Variants in FGGY observed in about 807,000 individuals in gnomAD.
FGGY encodes the protein FGGY carbohydrate kinase domain-containing protein.
FGGY carries 72 observed loss-of-function variants against 71.3 expected under a neutral mutation model. The observed-to-expected ratio is 1.01, with a 90% CI of 0.84 to 1.23. The LOEUF (loss-of-function observed/expected upper bound fraction) is 1.23, where lower values mean the gene tolerates loss of function less well. Ranked by LOEUF, FGGY falls within the 50% of genes most tolerant of loss-of-function variation. The probability of loss-of-function intolerance (pLI) is 0.00; values close to 1 mark genes in which losing one functional copy is unlikely to be tolerated. For missense variants in FGGY, 668 were observed against 682.3 expected, an observed-to-expected ratio of 0.98 and a Z score of 0.23; for synonymous variants, 251 against 250.3, an observed-to-expected ratio of 1.00 and a Z score of -0.02.
At chr1:59,581,417 A>G (rs1054235293) in intron 8 of FGGY, among the ~76,000 whole-genome samples, 2 of 149,888 alleles carry the variant, frequency 1.3e-5, no homozygotes, top group Admixed American at 6.6e-5. Context: ...TTTAGAAGCT[A>G]TTGGTCACCA....
At chr1:59,567,769 C>T (rs1571382718) in intron 8 of FGGY, among the ~76,000 whole-genome samples, 3 of 151,408 alleles carry the variant, frequency 2.0e-5, no homozygotes, top group African/African-American at 2.4e-5. Context: ...CCTGTTTATT[C>T]CCACAGACTC....
chr1:59,596,418 G>C (rs1571885367), intron 8 of FGGY, among the ~76,000 whole-genome samples: 2 of 149,736 alleles, frequency 1.3e-5, no homozygotes, highest in African/African-American at 4.9e-5. Context: ...CTGTCTGCCT[G>C]CTATTTCCTT....
chr1:59,321,801 T>C lies in FGGY; in HGVS notation c.201+51T>C, dbSNP rs376917600. ...CTTGTTCATATTCCTACCTGCTGAG[T>C]GTCGTGTGTCAATCTGGTGCCGTAA... On this transcript the variant is annotated intron_variant, in intron 2 of 15. Coordinates refer to ENST00000303721, the MANE Select transcript of FGGY (RefSeq NM_018291.5). 1.5e-4 allele frequency: 224 copies of C among 1,543,944 alleles called. No homozygotes were observed. The African/African-American group carries it at 2.6e-3, about 18-fold the overall frequency.
At chr1:59,585,693 T>A (rs976593675) in intron 8 of FGGY, among the ~76,000 whole-genome samples, 9 of 152,010 alleles carry the variant, frequency 5.9e-5, no homozygotes, top group Admixed American at 1.3e-4. Flanking sequence ...ACTAAAGAGC[T>A]TCTGCACAGC....
intron 7 of FGGY, among the ~76,000 whole-genome samples, chr1:59,530,780 TG>T (rs2153663397): frequency 6.6e-6 from 1 of 152,160 alleles, no homozygotes; most frequent in East Asian, 1.9e-4. Context: ...GTGTAGAGTA[TG>T]CTGAAATAGA....
intron 7 of FGGY, among the ~76,000 whole-genome samples, chr1:59,546,516 TGATGATGATGATG>T (rs2095524463): frequency 6.8e-6 from 1 of 147,534 alleles, no homozygotes; most frequent in African/African-American, 2.5e-5. Context: ...ATGATGATGA[TGATGATGATGATG>T]ATGATGATTA....
At chr1:59,455,769 C>G (rs569433619) in intron 5 of FGGY, among the ~76,000 whole-genome samples, 4 of 152,228 alleles carry the variant, frequency 2.6e-5, no homozygotes, top group Admixed American at 2.6e-4. Flanking sequence ...AGTGCCTAAC[C>G]CAGAACTGGA....
chr1:59,720,904 C>G (rs2097886042), intron 14 of FGGY, among the ~76,000 whole-genome samples: 1 of 152,242 alleles, frequency 6.6e-6, no homozygotes, highest in African/African-American at 2.4e-5. Context: ...CCTTCTGCCA[C>G]TTGCCCAAAC....
chr1:59,704,748 G>A (rs1558854923), intron 14 of FGGY, among the ~76,000 whole-genome samples: 1 of 151,970 alleles, frequency 6.6e-6, no homozygotes, highest in African/African-American at 2.4e-5. Flanking sequence ...GATTATTGTT[G>A]GTGTAGTTCT....
At chr1:59,728,761 G>C (rs2097983694) in intron 14 of FGGY, among the ~76,000 whole-genome samples, 1 of 151,932 alleles carries the variant, frequency 6.6e-6, no homozygotes, top group Non-Finnish European at 1.5e-5. Flanking sequence ...TCCTATGTTT[G>C]TTTCTCTATA....
intron 4 of FGGY, among the ~76,000 whole-genome samples, chr1:59,368,015 C>G (rs2056872417): frequency 6.6e-6 from 1 of 152,084 alleles, no homozygotes; most frequent in Non-Finnish European, 1.5e-5. Flanking sequence ...TCATATAACC[C>G]AAATCACTTT....
At chr1:59,640,671 TAA>T (rs2097015603) in intron 11 of FGGY, among the ~76,000 whole-genome samples, 1 of 151,302 alleles carries the variant, frequency 6.6e-6, no homozygotes, top group Non-Finnish European at 1.5e-5. Flanking sequence ...AACATAGAGA[TAA>T]TAAAGAGGTC....
intron 8 of FGGY, among the ~76,000 whole-genome samples, chr1:59,585,251 G>A (rs551645137): frequency 1.1e-4 from 16 of 152,210 alleles, no homozygotes; most frequent in African/African-American, 2.2e-4. Context: ...GAGGCATCAC[G>A]CTACCTGACT....
chr1:59,379,162 AACACACACACACAC>A (rs55986439), intron 5 of FGGY, among the ~76,000 whole-genome samples: 3 of 143,236 alleles, frequency 2.1e-5, no homozygotes, highest in South Asian at 4.5e-4. Context: ...GGAAAAAATA[AACACACACACACAC>A]ACACACACAC....
chr1:59,757,203 A>G (rs2098299310), intron 14 of FGGY, among the ~76,000 whole-genome samples: 1 of 152,152 alleles, frequency 6.6e-6, no homozygotes, highest in African/African-American at 2.4e-5. Context: ...TGGCCTTAAC[A>G]GCCTTAGGAG....
At chr1:59,373,945 A>G (rs554462123) in intron 4 of FGGY, among the ~76,000 whole-genome samples, 152 of 152,374 alleles carry the variant, frequency 1.0e-3, no homozygotes, top group African/African-American at 3.6e-3. Context: ...TAAAACCATA[A>G]AAACCCTAGA....
At chr1:59,646,974 G>C (rs2097101084) in intron 11 of FGGY, among the ~76,000 whole-genome samples, 2 of 152,130 alleles carry the variant, frequency 1.3e-5, no homozygotes, top group African/African-American at 4.8e-5. Context: ...CACAGAATCA[G>C]ACTTTCCTTT....
At chr1:59,403,844 A>G (rs572004067) in intron 5 of FGGY, among the ~76,000 whole-genome samples, 2 of 152,296 alleles carry the variant, frequency 1.3e-5, no homozygotes, top group South Asian at 2.1e-4. Context: ...CACCTCTGTG[A>G]TCTTGGACAA....
chr1:59,304,854 T>C (rs1442452928), intron 1 of FGGY, among the ~76,000 whole-genome samples: 1 of 152,132 alleles, frequency 6.6e-6, no homozygotes, highest in African/African-American at 2.4e-5. Flanking sequence ...TAATTTCTTT[T>C]TGGGGTAGTT....
Sources: allele counts gnomAD v4.1 joint callset (sites outside exome capture counted in the v4.1 genomes callset), GRCh38; gene constraint gnomAD v4.1.1; transcripts MANE v1.5; gene names NCBI Gene and HGNC (gene_info 2026-07-23, HGNC 2026-07-21).